Variants in FNDC3B observed in about 807,000 individuals in gnomAD.
FNDC3B encodes fibronectin type III domain-containing protein 3B.
Under a neutral mutation model 151.5 loss-of-function variants are expected in FNDC3B, and 12 were observed. That is an observed-to-expected ratio of 0.08 (90% CI 0.05 to 0.13). FNDC3B has a LOEUF of 0.13. FNDC3B is among the 10% of genes least tolerant of loss of function. The pLI is 1.00. For missense variants in FNDC3B, 1,214 were observed against 1,505.3 expected (o/e 0.81, Z 3.20); for synonymous variants, 528 against 549.0 (o/e 0.96, Z 0.54).
At chr3:172,261,239 T>C (rs1426391039) in intron 6 of FNDC3B, among the ~76,000 whole-genome samples, 1 of 152,170 alleles carries the variant, frequency 6.6e-6, no homozygotes, top group African/African-American at 2.4e-5. Context: ...GACTACCAGG[T>C]ATGTCGAGGT....
At chr3:172,268,747 T>C (rs989730412) in intron 6 of FNDC3B, among the ~76,000 whole-genome samples, 6 of 152,332 alleles carry the variant, frequency 3.9e-5, no homozygotes, top group Middle Eastern at 3.4e-3. Context: ...AATCTTTCCA[T>C]GCATTTAAAA....
intron 3 of FNDC3B, among the ~76,000 whole-genome samples, chr3:172,226,260 G>A (rs900490160): frequency 6.8e-4 from 101 of 148,354 alleles, no homozygotes; most frequent in African/African-American, 2.3e-3. Flanking sequence ...AGCCGAGATC[G>A]CGCCATTATA....
At chr3:172,345,786 G>A (rs1378900330) in intron 19 of FNDC3B, 1 of 152,354 alleles carries the variant, frequency 6.6e-6, no homozygotes, top group African/African-American at 2.4e-5. Context: ...GTCACTGATG[G>A]TAACATCAGG....
At chr3:172,158,450 TCTC>T (rs1030448510) in intron 3 of FNDC3B, among the ~76,000 whole-genome samples, 14 of 152,232 alleles carry the variant, frequency 9.2e-5, no homozygotes, top group South Asian at 2.1e-4. Context: ...GCCTTCCGTA[TCTC>T]CTCTTTGATG....
intron 6 of FNDC3B, among the ~76,000 whole-genome samples, chr3:172,279,975 G>A (rs370775488): frequency 6.6e-6 from 1 of 152,164 alleles, no homozygotes; most frequent in Non-Finnish European, 1.5e-5. Context: ...GTGCAGTGGC[G>A]CCATCTCAGC....
At chr3:172,350,972 A>G (rs1733824561) in intron 21 of FNDC3B, among the ~76,000 whole-genome samples, 1 of 152,214 alleles carries the variant, frequency 6.6e-6, no homozygotes, top group Non-Finnish European at 1.5e-5. Context: ...AAGCTGCCAA[A>G]TGTTTTTCTC....
At chr3:172,251,119 T>A (rs1576839694) in intron 5 of FNDC3B, 141 bp from the exon 6 acceptor site, 5 of 726,122 alleles carry the variant, frequency 6.9e-6, no homozygotes, top group Non-Finnish European at 1.1e-5. Flanking sequence ...TCTTAAAAAA[T>A]ATTTATTAGA....
At chr3:172,186,717 G>T (rs566991383) in intron 3 of FNDC3B, 1 of 702,318 alleles carries the variant, frequency 1.4e-6, no homozygotes, top group East Asian at 2.7e-5. Flanking sequence ...AACAGATGAA[G>T]TGGTGAAGAG....
chr3:172,181,400 AAAAAAAAAAAAAAAC>A (rs1447219866), intron 3 of FNDC3B, among the ~76,000 whole-genome samples: 1 of 144,676 alleles, frequency 6.9e-6, no homozygotes, highest in African/African-American at 2.5e-5. Flanking sequence ...GTCTCCAAAA[AAAAAAAAAAAAAAAC>A]AAAAAAAAAC....
intron 23 of FNDC3B, among the ~76,000 whole-genome samples, chr3:172,369,623 A>C (rs1236463910): frequency 3.3e-5 from 5 of 152,170 alleles, no homozygotes; most frequent in Non-Finnish European, 5.9e-5. Flanking sequence ...AAAAAGGTCC[A>C]TATACAGCCA....
Position 172,291,586 on chromosome 3 carries a change from A to G in FNDC3B, c.850-3777A>G, listed in dbSNP as rs115327119. 7.7e-3 allele frequency among the ~76,000 whole-genome samples: 1,170 copies of G among 152,344 alleles called. 8 individuals are homozygous for G. The highest frequency in any genetic ancestry group is 0.012 in the Non-Finnish European group (820 of 68,036). Reference sequence around the variant, plus strand: ...CAAATGTATACTAGTAACCTATACAACAGACCCCTTTATATTACTATTGCA... The same window carrying G: ...CAAATGTATACTAGTAACCTATACAGCAGACCCCTTTATATTACTATTGCA... On this transcript the variant is annotated intron_variant, in intron 7 of 25. Transcript: ENST00000415807.
intron 25 of FNDC3B, among the ~76,000 whole-genome samples, chr3:172,393,894 G>A (rs1420995502): frequency 6.6e-6 from 1 of 151,926 alleles, no homozygotes; most frequent in South Asian, 2.1e-4. Flanking sequence ...AGATCATGAG[G>A]TCAAGAGATG....
chr3:172,043,485 T>C (rs1716196068), intron 1 of FNDC3B, among the ~76,000 whole-genome samples: 1 of 152,186 alleles, frequency 6.6e-6, no homozygotes, highest in Non-Finnish European at 1.5e-5. Context: ...TAGCTGGTAC[T>C]ACAGGTGTGC....
chr3:172,329,223 G>C, intron 12 of FNDC3B, 147 bp downstream of exon 12: 1 of 923,754 alleles, frequency 1.1e-6, no homozygotes, highest in Non-Finnish European at 1.6e-6. Flanking sequence ...AATCAGAGGA[G>C]AGAAGGCCTC....
At chr3:172,122,059 A>C (rs1720578394) in intron 2 of FNDC3B, among the ~76,000 whole-genome samples, 1 of 152,266 alleles carries the variant, frequency 6.6e-6, no homozygotes, top group Non-Finnish European at 1.5e-5. Flanking sequence ...ACACTTCTGC[A>C]TCCAGAATGT....
intron 3 of FNDC3B, among the ~76,000 whole-genome samples, chr3:172,162,193 G>A (rs1229820726): frequency 6.6e-6 from 1 of 152,122 alleles, no homozygotes; most frequent in African/African-American, 2.4e-5. Flanking sequence ...TGGCCAGGCT[G>A]TTCTCAAATT....
chr3:172,298,954 G>A (rs1376560851), intron 9 of FNDC3B, among the ~76,000 whole-genome samples, 167 bp downstream of exon 9: 1 of 152,242 alleles, frequency 6.6e-6, no homozygotes, highest in African/African-American at 2.4e-5. Flanking sequence ...TAACTGGGAA[G>A]ACACAGAAGC....
intron 6 of FNDC3B, among the ~76,000 whole-genome samples, chr3:172,259,171 G>A (rs927515775): frequency 2.6e-5 from 4 of 152,318 alleles, no homozygotes; most frequent in Middle Eastern, 3.4e-3. Context: ...GTGAGCTCAG[G>A]TCAGTGGAAT....
chr3:172,143,103 G>A (rs1192414299), intron 3 of FNDC3B, among the ~76,000 whole-genome samples: 1 of 152,146 alleles, frequency 6.6e-6, no homozygotes, highest in Non-Finnish European at 1.5e-5. Context: ...TTGCGCTGGG[G>A]TAGGGGACAC....
Sources: allele counts gnomAD v4.1 joint callset (sites outside exome capture counted in the v4.1 genomes callset), GRCh38; gene constraint gnomAD v4.1.1; transcripts MANE v1.5; gene names NCBI Gene and HGNC (gene_info 2026-07-23, HGNC 2026-07-21).